The following SLC44A3 variants were observed in gnomAD, a reference collection of about 807,000 sequenced individuals.
SLC44A3 encodes solute carrier family 44 member 3, also known as choline transporter-like protein 3.
In SLC44A3, 74 loss-of-function variants were observed where a neutral mutation model predicts 75.4. The observed-to-expected ratio is 0.98, with a 90% CI of 0.81 to 1.19. The LOEUF (loss-of-function observed/expected upper bound fraction) is 1.19. Among genes scored for constraint, SLC44A3 ranks in the 50% most tolerant of loss-of-function variants. SLC44A3 has a pLI of 0.00. For synonymous variants in SLC44A3, 310 were observed against 296.9 expected, an observed-to-expected ratio of 1.04 and a Z score of -0.45; for missense variants, 700 against 778.6, an observed-to-expected ratio of 0.90 and a Z score of 1.20.
chr1:94,880,614 C>T (rs1337274765), intron 12 of SLC44A3, among the ~76,000 whole-genome samples: 1 of 150,300 alleles, frequency 6.7e-6, no homozygotes, highest in Non-Finnish European at 1.5e-5. Flanking sequence ...ATGTAGTAGT[C>T]AAAATACTGT....
Position 94,895,239 on chromosome 1 carries a change from G to T in SLC44A3, c.*317G>T. 5.2e-6 allele frequency: 1 copy of T among 192,550 alleles called. No homozygotes were observed. Among genetic ancestry groups the T allele is most frequent in the African/African-American group, 2.4e-5 (1 of 42,056 alleles). 11.9% of individuals were successfully genotyped at this position (192,550 alleles called of 1,614,324 possible). A position where few individuals can be genotyped will look rare whatever the true frequency, so the allele number is the denominator to read the frequency against. On this transcript the variant is annotated 3_prime_UTR_variant, in exon 15 of 15. Transcript: ENST00000271227. The stretch of plus-strand genomic sequence containing the variant: ...ACAACTAATAAATAAACCTTTTTAA[G>T]ATAAGGATTTTGTTAGCAGAAATCT...
intron 11 of SLC44A3, 92 bp from the exon 12 acceptor site, chr1:94,867,239 T>C (rs1387243953): frequency 6.5e-6 from 7 of 1,072,880 alleles, no homozygotes; most frequent in Non-Finnish European, 9.3e-6. Flanking sequence ...CCCAGGTGCA[T>C]AAGTAAAAAC....
chr1:94,885,224 C>A (rs1042090631), intron 12 of SLC44A3, among the ~76,000 whole-genome samples: 54 of 82,844 alleles, frequency 6.5e-4, no homozygotes, highest in South Asian at 3.5e-3. Context: ...GACTCCCTCT[C>A]AAAAAAAAAA....
chr1:94,868,613 A>G (rs1260010923), intron 12 of SLC44A3, among the ~76,000 whole-genome samples: 1 of 152,244 alleles, frequency 6.6e-6, no homozygotes, highest in Non-Finnish European at 1.5e-5. Context: ...TGTTATAGCT[A>G]TTGTGTATAT....
Position 94,825,953 on chromosome 1 carries a change from A to G in SLC44A3, c.278+1318A>G, listed in dbSNP as rs554359653. The G allele has an allele frequency of 1.7e-3, 771 of 455,674 alleles. 3 individuals are homozygous for G. The highest frequency in any genetic ancestry group is 2.9e-3 in the Non-Finnish European group (659 of 226,542). The allele number at this position is 455,674 out of a possible 1,614,324, so 28.2% of individuals were successfully genotyped here. On this transcript the variant is annotated intron_variant, in intron 3 of 14. Transcript: ENST00000271227. The stretch of plus-strand genomic sequence containing the variant: ...TCATTCCTGGTTGAAGTGAGTATAC[A>G]TTCCATTATTCTCAAAAGCCAAAAG...
At chr1:94,885,722 G>C (rs1669514978) in intron 12 of SLC44A3, among the ~76,000 whole-genome samples, 1 of 152,180 alleles carries the variant, frequency 6.6e-6, no homozygotes, top group Non-Finnish European at 1.5e-5. Context: ...CTGTGCTTTA[G>C]TTTCCTTAAC....
chr1:94,824,168 A>G (rs1660982344), intron 2 of SLC44A3, among the ~76,000 whole-genome samples: 2 of 152,254 alleles, frequency 1.3e-5, no homozygotes, highest in Non-Finnish European at 2.9e-5. Flanking sequence ...CAAGGGAAGA[A>G]AAATTGAATT....
intron 8 of SLC44A3, among the ~76,000 whole-genome samples, chr1:94,842,935 G>A (rs1042851549): frequency 6.6e-6 from 1 of 152,184 alleles, no homozygotes; most frequent in African/African-American, 2.4e-5. Context: ...CCACGGTGAG[G>A]TTTTGGGTTT....
At chr1:94,824,780 G>T in intron 3 of SLC44A3, 145 bp downstream of exon 3, 1 of 950,456 alleles carries the variant, frequency 1.1e-6, no homozygotes, top group Non-Finnish European at 1.5e-6. Flanking sequence ...TATAGTACAG[G>T]TAAGAGTACA....
chr1:94,847,660 A>G (rs574898621), intron 9 of SLC44A3, among the ~76,000 whole-genome samples: 10 of 152,290 alleles, frequency 6.6e-5, no homozygotes, highest in East Asian at 3.9e-4. Context: ...ATGAAGGGAA[A>G]CAAGCCTTTG....
intron 12 of SLC44A3, among the ~76,000 whole-genome samples, chr1:94,878,051 G>A (rs912381142): frequency 4.6e-5 from 7 of 152,046 alleles, no homozygotes; most frequent in South Asian, 4.2e-4. Context: ...TGGCTAACAC[G>A]GTGAAACCCC....
intron 10 of SLC44A3, 35 bp from the exon 11 acceptor site, chr1:94,864,708 T>G: frequency 6.3e-7 from 1 of 1,593,654 alleles, no homozygotes; most frequent in Non-Finnish European, 8.5e-7. Flanking sequence ...TTATAAAAAG[T>G]GTTTTTAAAA....
At chr1:94,857,642 G>T in intron 10 of SLC44A3, 142 bp downstream of exon 10, 1 of 808,586 alleles carries the variant, frequency 1.2e-6, no homozygotes, top group Non-Finnish European at 1.8e-6. Context: ...GCTAAAATTT[G>T]GGCTGTATTC....
At chr1:94,881,891 G>A (rs1249422920) in intron 12 of SLC44A3, among the ~76,000 whole-genome samples, 5 of 151,140 alleles carry the variant, frequency 3.3e-5, no homozygotes, top group South Asian at 2.1e-4. Context: ...ATGGTGGCAC[G>A]TGCCTGTAGT....
intron 5 of SLC44A3, among the ~76,000 whole-genome samples, chr1:94,835,338 T>C (rs1485084462): frequency 6.6e-6 from 1 of 152,156 alleles, no homozygotes; most frequent in Non-Finnish European, 1.5e-5. Flanking sequence ...TAAAATGCCA[T>C]GTGCTATCCT....
In SLC44A3 at chr1:94,871,410, G is replaced by A. The variant is rs138221287; in HGVS notation, c.1482+3993G>A. Reference sequence around the variant, plus strand: ...GCTGGCCATTCTCAGAGACTTTCAGGCAAAGGGACCTTACAGCCTCCCCTC... The same window carrying A: ...GCTGGCCATTCTCAGAGACTTTCAGACAAAGGGACCTTACAGCCTCCCCTC... On this transcript the variant is annotated intron_variant, in intron 12 of 14. Coordinates refer to ENST00000271227, the MANE Select transcript of SLC44A3 (RefSeq NM_001114106.3). 1.5e-3 allele frequency among the ~76,000 whole-genome samples: 228 copies of A among 152,270 alleles called. 1 individual carries two copies. Among genetic ancestry groups the A allele is most frequent in the African/African-American group, 5.0e-3 (208 of 41,532 alleles).
intron 12 of SLC44A3, among the ~76,000 whole-genome samples, chr1:94,873,905 T>C (rs933447490): frequency 4.6e-5 from 7 of 152,232 alleles, no homozygotes; most frequent in Non-Finnish European, 1.0e-4. Flanking sequence ...GGCATTGCCA[T>C]AATAGGTAGT....
At chr1:94,831,414 G>A (rs900193232) in intron 5 of SLC44A3, among the ~76,000 whole-genome samples, 1 of 152,140 alleles carries the variant, frequency 6.6e-6, no homozygotes, top group Non-Finnish European at 1.5e-5. Flanking sequence ...TGGCTATAGG[G>A]CCAAAGAACA....
At chr1:94,820,575 T>C in intron 1 of SLC44A3, 97 bp downstream of exon 1, 1 of 1,431,228 alleles carries the variant, frequency 7.0e-7, no homozygotes. Context: ...CTTCCGCCTT[T>C]CCCGCGCCTC....
Sources: allele counts gnomAD v4.1 joint callset (sites outside exome capture counted in the v4.1 genomes callset), GRCh38; gene constraint gnomAD v4.1.1; transcripts MANE v1.5; gene names NCBI Gene and HGNC (gene_info 2026-07-23, HGNC 2026-07-21).